The following ATP6V1C1 variants were observed in gnomAD, a reference collection of about 807,000 sequenced individuals.
The protein encoded by ATP6V1C1 is ATPase H+ transporting V1 subunit C1, also known as V-type proton ATPase subunit C 1.
ATP6V1C1 carries 45 observed loss-of-function variants against 53.9 expected under a neutral mutation model. That is an observed-to-expected ratio of 0.83 (90% CI 0.66 to 1.07). The LOEUF is 1.07. Among genes scored for constraint, ATP6V1C1 ranks in the 50% least tolerant of loss-of-function variants. The pLI is 0.00. For synonymous variants in ATP6V1C1, 153 were observed against 155.2 expected (o/e 0.99, Z 0.11); for missense variants, 315 against 440.3 (o/e 0.72, Z 2.55).
intron 8 of ATP6V1C1, among the ~76,000 whole-genome samples, chr8:103,061,307 CCTGCTGG>C: frequency 6.6e-6 from 1 of 152,184 alleles, no homozygotes; most frequent in Non-Finnish European, 1.5e-5. Flanking sequence ...GGGAGGTGCC[CCTGCTGG>C]CTGGCTGACG....
chr8:103,051,917 T>C (rs1424562047), intron 5 of ATP6V1C1, among the ~76,000 whole-genome samples: 3 of 152,130 alleles, frequency 2.0e-5, no homozygotes, highest in South Asian at 2.1e-4. Context: ...CCAGTAACTT[T>C]AGTTATGCGG....
intron 5 of ATP6V1C1, among the ~76,000 whole-genome samples, chr8:103,051,616 G>A (rs181539809): frequency 4.6e-5 from 7 of 152,212 alleles, no homozygotes; most frequent in African/African-American, 1.7e-4. Flanking sequence ...GTATTCGTGT[G>A]CCACATAATT....
chr8:103,051,697 A>G (rs1386781650), intron 5 of ATP6V1C1, among the ~76,000 whole-genome samples: 1 of 152,120 alleles, frequency 6.6e-6, no homozygotes, highest in Non-Finnish European at 1.5e-5. Context: ...AGCTCCTTTT[A>G]TATTGAGAAA....
chr8:103,027,724 C>G (rs1158879632), intron 1 of ATP6V1C1, among the ~76,000 whole-genome samples: 3 of 150,718 alleles, frequency 2.0e-5, no homozygotes, highest in Non-Finnish European at 2.9e-5. Context: ...AAGCAGCACA[C>G]TTATTGCAGT....
chr8:103,051,497 C>T (rs1817198686), intron 5 of ATP6V1C1, among the ~76,000 whole-genome samples: 1 of 152,080 alleles, frequency 6.6e-6, no homozygotes, highest in Non-Finnish European at 1.5e-5. Flanking sequence ...TGATAGTAGT[C>T]ACTGAAGTAT....
intron 8 of ATP6V1C1, among the ~76,000 whole-genome samples, chr8:103,058,713 A>G (rs765324132): frequency 1.3e-5 from 2 of 152,248 alleles, no homozygotes; most frequent in South Asian, 2.1e-4. Flanking sequence ...ATTCAATCTA[A>G]TATTTTTCAA....
chr8:103,033,822 C>T (rs563067076), intron 1 of ATP6V1C1, among the ~76,000 whole-genome samples: 1 of 152,300 alleles, frequency 6.6e-6, no homozygotes, highest in Admixed American at 6.5e-5. Context: ...AGTGTTTTGA[C>T]TTGTGCTAGT....
chr8:103,035,741 A>G (rs1355897810), intron 1 of ATP6V1C1, among the ~76,000 whole-genome samples: 1 of 152,126 alleles, frequency 6.6e-6, no homozygotes, highest in East Asian at 1.9e-4. Flanking sequence ...GGAAACTAGT[A>G]AGGGGGTAGA....
Position 103,028,454 on chromosome 8 carries a change from A to C in ATP6V1C1, c.-40+7229A>C, listed in dbSNP as rs190062628. 2.0e-4 allele frequency among the ~76,000 whole-genome samples: 30 copies of C among 152,284 alleles called. No homozygotes were observed. In the East Asian group the frequency reaches 5.2e-3, roughly 26 times the overall value. On this transcript the variant is annotated intron_variant, in intron 1 of 12. Coordinates refer to ENST00000518738, the MANE Select transcript of ATP6V1C1 (RefSeq NM_001695.5). Reference sequence around the variant, plus strand: ...CAGCCTTCTGTCCATAGCCTTCAAGAGTATTGCCATTTCTTGTAACATTAA... The same window carrying C: ...CAGCCTTCTGTCCATAGCCTTCAAGCGTATTGCCATTTCTTGTAACATTAA...
intron 3 of ATP6V1C1, among the ~76,000 whole-genome samples, chr8:103,043,855 C>A (rs941554056): frequency 6.6e-6 from 1 of 152,002 alleles, no homozygotes; most frequent in East Asian, 1.9e-4. Context: ...ATATAACTTG[C>A]AAATATTTTC....
At chr8:103,047,478 G>C (rs1586318537) in intron 3 of ATP6V1C1, among the ~76,000 whole-genome samples, 1 of 127,630 alleles carries the variant, frequency 7.8e-6, no homozygotes, top group Non-Finnish European at 1.7e-5. Context: ...TTTTTTTAAG[G>C]AAAAAAAACC....
rs554919345 is a variant in ATP6V1C1 at position 103,070,773 on chromosome 8, G to A, written c.*2026G>A. ...TGTGATTTCCACCAGAGAAATTATA[G>A]CAGAGTGGCTGAGCATGTGCTCTGA... On this transcript the variant is annotated 3_prime_UTR_variant, in exon 13 of 13. Transcript: ENST00000518738. 14 of 152,384 alleles carry A rather than the reference G, an allele frequency of 9.2e-5. No homozygotes were observed. The highest frequency in any genetic ancestry group is 5.9e-4 in the Admixed American group (9 of 15,310). The allele number at this position is 152,384 out of a possible 1,614,324, so 9.4% of individuals were successfully genotyped here.
intron 8 of ATP6V1C1, 132 bp downstream of exon 8, chr8:103,056,068 A>T (rs1469839145): frequency 2.2e-5 from 17 of 774,254 alleles, no homozygotes; most frequent in Non-Finnish European, 2.6e-5. Flanking sequence ...TATGAACTCT[A>T]GTTGTAATAA....
intron 2 of ATP6V1C1, 43 bp from the exon 3 acceptor site, chr8:103,042,297 T>G: frequency 6.7e-7 from 1 of 1,486,424 alleles, no homozygotes; most frequent in Non-Finnish European, 9.2e-7. Flanking sequence ...TTTTTTTTTT[T>G]AAAAAAGCAT....
At position 103,051,005 on chromosome 8, in the gene ATP6V1C1, A is replaced by G. The variant is rs561695023; in HGVS notation, c.287-45A>G. 1.9e-4 allele frequency: 263 copies of G among 1,357,578 alleles called. 1 individual carries two copies. Among genetic ancestry groups the G allele is most frequent in the Non-Finnish European group, 2.6e-4 (252 of 961,218 alleles). 84.1% of individuals were successfully genotyped at this position (1,357,578 alleles called of 1,614,324 possible). A position where few individuals can be genotyped will look rare whatever the true frequency, so the allele number is the denominator to read the frequency against. ...ATATCGCTGTGTAAAAAACTGAACA[A>G]TTCTATTGTTTTTCTTCAGTAATTA... On this transcript the variant is annotated intron_variant, in intron 4 of 12. Coordinates refer to ENST00000518738, the MANE Select transcript of ATP6V1C1 (RefSeq NM_001695.5).
intron 4 of ATP6V1C1, among the ~76,000 whole-genome samples, chr8:103,049,966 AG>A (rs771023546): frequency 1.3e-5 from 2 of 152,198 alleles, no homozygotes; most frequent in East Asian, 1.9e-4. Flanking sequence ...CAAAAAAAAA[AG>A]GAAGAAGGAT....
chr8:103,040,296 C>T (rs1218156790), intron 1 of ATP6V1C1, among the ~76,000 whole-genome samples: 1 of 151,856 alleles, frequency 6.6e-6, no homozygotes, highest in Non-Finnish European at 1.5e-5. Flanking sequence ...TGGCTGTAAT[C>T]CCAGCTACTC....
intron 1 of ATP6V1C1, among the ~76,000 whole-genome samples, chr8:103,031,360 G>GT (rs904080238): frequency 2.6e-5 from 4 of 152,192 alleles, no homozygotes; most frequent in Admixed American, 6.5e-5. Flanking sequence ...AAGAAAAGAG[G>GT]TTTTTTTGGC....
intron 2 of ATP6V1C1, among the ~76,000 whole-genome samples, chr8:103,041,863 CTCCGTCTCAA>C: frequency 6.6e-6 from 1 of 152,184 alleles, no homozygotes; most frequent in Admixed American, 6.5e-5. Flanking sequence ...CAGAGTGAGA[CTCCGTCTCAA>C]AAATATAAAT....
Sources: gnomAD v4.1 joint callset for allele counts (sites outside exome capture counted in the v4.1 genomes callset) on GRCh38, gnomAD v4.1.1 for gene constraint, MANE v1.5 for transcripts, NCBI Gene and HGNC (gene_info 2026-07-23, HGNC 2026-07-21) for gene names.